Variants in INPP4B observed in about 807,000 individuals in gnomAD.
The protein encoded by INPP4B is inositol polyphosphate 4-phosphatase type II.
Under a neutral mutation model 122.5 loss-of-function variants are expected in INPP4B, and 55 were observed. The ratio of observed to expected loss-of-function variants is 0.45; its 90% CI spans 0.36 to 0.56. INPP4B has a LOEUF of 0.56. Ranked by LOEUF, INPP4B falls within the 20% of genes least tolerant of loss-of-function variation. The pLI is 0.00. For missense variants in INPP4B, 1,000 were observed against 1,097.7 expected (o/e 0.91, Z 1.26); for synonymous variants, 403 against 388.7 (o/e 1.04, Z -0.43).
chr4:142,757,715 G>A (rs1770704806), intron 1 of INPP4B, among the ~76,000 whole-genome samples: 1 of 133,614 alleles, frequency 7.5e-6, no homozygotes, highest in Non-Finnish European at 1.6e-5. Flanking sequence ...TTCCAAATTT[G>A]GGCAATTATG....
intron 16 of INPP4B, among the ~76,000 whole-genome samples, chr4:142,166,650 G>A (rs77022460): frequency 1.3e-5 from 2 of 151,350 alleles, no homozygotes; most frequent in Non-Finnish European, 3.0e-5. Flanking sequence ...ATCTGACAAA[G>A]GTCTAATATC....
At chr4:142,559,494 A>T (rs1378755895) in intron 2 of INPP4B, among the ~76,000 whole-genome samples, 9 of 152,306 alleles carry the variant, frequency 5.9e-5, no homozygotes, top group African/African-American at 2.2e-4. Flanking sequence ...TCATTTTTAC[A>T]TGTAATAGCA....
chr4:142,788,848 T>G (rs1343104810), intron 1 of INPP4B, among the ~76,000 whole-genome samples: 1 of 152,074 alleles, frequency 6.6e-6, no homozygotes, highest in African/African-American at 2.4e-5. Context: ...ATACCACAGT[T>G]TCTTTATCCA....
chr4:142,599,487 A>G (rs1400610412), intron 2 of INPP4B, among the ~76,000 whole-genome samples: 1 of 152,176 alleles, frequency 6.6e-6, no homozygotes, highest in Non-Finnish European at 1.5e-5. Context: ...AAAGCCAAAG[A>G]ACCCTACCCA....
chr4:142,495,367 C>A (rs1486098455), intron 2 of INPP4B, among the ~76,000 whole-genome samples: 2 of 152,012 alleles, frequency 1.3e-5, no homozygotes, highest in African/African-American at 2.4e-5. Context: ...CACACGCACA[C>A]ATATACATGC....
intron 16 of INPP4B, among the ~76,000 whole-genome samples, chr4:142,172,707 G>C (rs1300717495): frequency 6.6e-6 from 1 of 151,956 alleles, no homozygotes; most frequent in Non-Finnish European, 1.5e-5. Flanking sequence ...TAACATACCT[G>C]AATAAAAAGT....
chr4:142,789,837 A>T (rs1376969579), intron 1 of INPP4B, among the ~76,000 whole-genome samples: 1 of 152,148 alleles, frequency 6.6e-6, no homozygotes, highest in Non-Finnish European at 1.5e-5. Flanking sequence ...TTCTAACTAT[A>T]CTAAAAGGCC....
At position 142,123,335 on chromosome 4, in the gene INPP4B, T is replaced by G. The variant is rs1167724250; in HGVS notation, c.1974A>C (p.Thr658=). The G allele has an allele frequency of 6.2e-7, 1 of 1,612,924 alleles. No homozygotes were observed. Among genetic ancestry groups the G allele is most frequent in the Admixed American group, 1.7e-5 (1 of 59,944 alleles). The stretch of plus-strand genomic sequence containing the variant: ...CTTCATATTGTACTATCAACCCCAC[T>G]GTGTGAAGCTGCTGTAGGAAGCCTG... ...YDPGFLQQLH[T]VGLIVQYEGL... The change falls in exon 20 of 26, where the codon ACA becomes ACC. Residue 658 remains threonine, a synonymous_variant. Coordinates refer to ENST00000262992, the MANE Select transcript of INPP4B (RefSeq NM_001101669.3).
At chr4:142,193,905 T>G (rs1277625837) in intron 14 of INPP4B, among the ~76,000 whole-genome samples, 1 of 152,120 alleles carries the variant, frequency 6.6e-6, no homozygotes, top group Admixed American at 6.6e-5. Flanking sequence ...CTTCAAAACA[T>G]GCCATCATTT....
At chr4:142,192,316 C>T (rs1265138318) in intron 15 of INPP4B, among the ~76,000 whole-genome samples, 1 of 70,612 alleles carries the variant, frequency 1.4e-5, no homozygotes, top group African/African-American at 4.3e-5. Context: ...TGCACACATA[C>T]CCTTGGAATC....
intron 2 of INPP4B, among the ~76,000 whole-genome samples, chr4:142,530,161 G>T (rs188155585): frequency 7.8e-4 from 119 of 152,118 alleles, no homozygotes; most frequent in African/African-American, 2.7e-3. Context: ...AGTTTTTGTT[G>T]CTGCTGAAGC....
At chr4:142,088,233 G>A (rs945059802) in intron 23 of INPP4B, among the ~76,000 whole-genome samples, 10 of 152,288 alleles carry the variant, frequency 6.6e-5, no homozygotes, top group Non-Finnish European at 1.5e-4. Context: ...CCAGGACTTG[G>A]TGGCTAATCA....
At chr4:142,580,915 A>T (rs773438322) in intron 2 of INPP4B, among the ~76,000 whole-genome samples, 2 of 152,038 alleles carry the variant, frequency 1.3e-5, no homozygotes, top group Admixed American at 6.6e-5. Flanking sequence ...ATCTTATTAC[A>T]TGAACTCTGG....
intron 7 of INPP4B, among the ~76,000 whole-genome samples, chr4:142,364,630 T>TA (rs1402289622): frequency 6.6e-6 from 1 of 152,046 alleles, no homozygotes; most frequent in Non-Finnish European, 1.5e-5. Flanking sequence ...TTCTCAAAGT[T>TA]AAGTGGGCAT....
chr4:142,374,748 CAAATATGTCATGAA>C (rs1791210403), intron 7 of INPP4B, among the ~76,000 whole-genome samples: 1 of 151,778 alleles, frequency 6.6e-6, no homozygotes, highest in African/African-American at 2.4e-5. Flanking sequence ...CCAGAATCTC[CAAATATGTCATGAA>C]AAATAATTAT....
At chr4:142,034,385 T>C (rs575114933) in intron 25 of INPP4B, among the ~76,000 whole-genome samples, 1 of 152,244 alleles carries the variant, frequency 6.6e-6, no homozygotes, top group Admixed American at 6.5e-5. Context: ...CCAGCCCGAA[T>C]GTCACTGCTG....
At chr4:142,283,150 C>T (rs751401702) in intron 9 of INPP4B, among the ~76,000 whole-genome samples, 2 of 152,046 alleles carry the variant, frequency 1.3e-5, no homozygotes, top group South Asian at 4.1e-4. Context: ...TAATAAGATA[C>T]TGTGACTGAC....
At chr4:142,215,025 C>T (rs1035129532) in intron 12 of INPP4B, among the ~76,000 whole-genome samples, 4 of 152,220 alleles carry the variant, frequency 2.6e-5, no homozygotes, top group East Asian at 3.9e-4. Context: ...ATTATTAATA[C>T]CTACTTTTAT....
At chr4:142,056,848 C>T (rs961459332) in intron 25 of INPP4B, among the ~76,000 whole-genome samples, 7 of 152,044 alleles carry the variant, frequency 4.6e-5, no homozygotes, top group Non-Finnish European at 8.8e-5. Flanking sequence ...TAGTTGCCTT[C>T]GGGAATCTGA....
Sources: allele counts gnomAD v4.1 joint callset (sites outside exome capture counted in the v4.1 genomes callset), GRCh38; gene constraint gnomAD v4.1.1; transcripts MANE v1.5; gene names NCBI Gene and HGNC (gene_info 2026-07-23, HGNC 2026-07-21).